The following KIF3A variants were observed in gnomAD, a reference collection of about 807,000 sequenced individuals.
KIF3A encodes the protein kinesin-like protein KIF3A.
In KIF3A, 27 loss-of-function variants were observed where a neutral mutation model predicts 92.6. That is an observed-to-expected ratio of 0.29 (90% CI 0.21 to 0.40). The LOEUF is 0.40. Among genes scored for constraint, KIF3A ranks in the 10% least tolerant of loss-of-function variants. The pLI is 1.00. For missense variants in KIF3A, 581 were observed against 872.6 expected, an observed-to-expected ratio of 0.67 and a Z score of 4.21; for synonymous variants, 250 against 275.4, an observed-to-expected ratio of 0.91 and a Z score of 0.92.
At chr5:132,704,165 T>C (rs866251045) in intron 11 of KIF3A, among the ~76,000 whole-genome samples, 4 of 151,952 alleles carry the variant, frequency 2.6e-5, no homozygotes, top group Non-Finnish European at 5.9e-5. Context: ...TTTCTAAAAT[T>C]TTTGTTTAAT....
chr5:132,708,416 T>A (rs1753298899), intron 10 of KIF3A, among the ~76,000 whole-genome samples: 1 of 152,198 alleles, frequency 6.6e-6, no homozygotes, highest in South Asian at 2.1e-4. Flanking sequence ...TTTTTCTTTA[T>A]TTGGGAGCCT....
In KIF3A at chr5:132,694,535, A is replaced by C. The variant is rs2149888420; in HGVS notation, c.*2099T>G. The C allele has an allele frequency of 6.6e-6, 1 of 152,452 alleles. No homozygotes were observed. The highest frequency in any genetic ancestry group is 2.4e-5 in the African/African-American group (1 of 41,582). 9.4% of individuals were successfully genotyped at this position (152,452 alleles called of 1,614,324 possible). On this transcript the variant is annotated 3_prime_UTR_variant, in exon 19 of 19. Coordinates refer to ENST00000403231, the MANE Select transcript of KIF3A (RefSeq NM_001300791.2). Reference sequence around the variant, plus strand: ...AAAAAATATCTAACATACTGGCTTAAATTTCCATGTTTTAAAGCTTGATTT... The same window carrying C: ...AAAAAATATCTAACATACTGGCTTACATTTCCATGTTTTAAAGCTTGATTT...
At chr5:132,722,660 A>G (rs1753863059) in intron 4 of KIF3A, among the ~76,000 whole-genome samples, 1 of 152,230 alleles carries the variant, frequency 6.6e-6, no homozygotes, top group South Asian at 2.1e-4. Flanking sequence ...TTTATTTCAC[A>G]TATAAAGACA....
At chr5:132,735,160 T>C (rs1400067230) in intron 1 of KIF3A, among the ~76,000 whole-genome samples, 1 of 152,132 alleles carries the variant, frequency 6.6e-6, no homozygotes, top group Non-Finnish European at 1.5e-5. Flanking sequence ...CTGCAACCTC[T>C]GCCTCCCAGG....
At chr5:132,720,166 C>T (rs1028592354) in intron 5 of KIF3A, among the ~76,000 whole-genome samples, 2 of 152,188 alleles carry the variant, frequency 1.3e-5, no homozygotes, top group East Asian at 3.9e-4. Context: ...ATCACTCACT[C>T]TACCACTTAG....
chr5:132,699,362 T>C, intron 17 of KIF3A, 67 bp from the exon 18 acceptor site: 1 of 1,507,848 alleles, frequency 6.6e-7, no homozygotes, highest in Non-Finnish European at 9.1e-7. Context: ...TGGGGGAAGA[T>C]TTAAAATACT....
chr5:132,737,523 A>C lies in KIF3A; in HGVS notation c.-104T>G. 1 of 1,370,908 alleles carries C rather than the reference A, an allele frequency of 7.3e-7. No homozygotes were observed. Among genetic ancestry groups the C allele is most frequent in the Non-Finnish European group, 1.0e-6 (1 of 998,768 alleles). The allele number at this position is 1,370,908 out of a possible 1,614,324, so 84.9% of individuals were successfully genotyped here. On this transcript the variant is annotated 5_prime_UTR_variant, in exon 1 of 19. Coordinates refer to ENST00000403231, the MANE Select transcript of KIF3A (RefSeq NM_001300791.2). ...CAGAGACTACCGAAACACCTCGTTG[A>C]CGCTCTCGAGACTGCGGCTTCTCGG...
intron 8 of KIF3A, among the ~76,000 whole-genome samples, chr5:132,711,597 A>C (rs577851045): frequency 1.3e-4 from 20 of 152,082 alleles, no homozygotes; most frequent in Admixed American, 9.8e-4. Context: ...CTCAAAAAAA[A>C]AAATAAAAAT....
At chr5:132,728,272 G>A (rs1160834331) in intron 2 of KIF3A, among the ~76,000 whole-genome samples, 2 of 152,018 alleles carry the variant, frequency 1.3e-5, no homozygotes, top group Non-Finnish European at 2.9e-5. Flanking sequence ...CACGATCATA[G>A]CTCACTGCAG....
At chr5:132,690,664 ATG>A (rs1752640698), downstream of KIF3A, among the ~76,000 whole-genome samples, 2 of 33,026 alleles carry the variant, frequency 6.1e-5, no homozygotes, top group Non-Finnish European at 4.2e-4. Context: ...GCGGTGGCTC[ATG>A]CCTGTAATCC....
At position 132,716,241 on chromosome 5, in the gene KIF3A, T is replaced by A. The variant is rs769082520; in HGVS notation, c.954+4A>T. ...TGTTAACTATATCACCAATTAAGTC[T>A]TACCATCATGGTTTTTGAATTTCCT... On this transcript the variant is annotated splice_donor_region_variant and intron_variant, in intron 7 of 18. Transcript: ENST00000403231. The A allele has an allele frequency of 3.1e-6, 5 of 1,608,868 alleles. No individual in the cohort carries two copies.
intron 1 of KIF3A, 53 bp from the exon 2 acceptor site, chr5:132,734,531 A>T (rs984505919): frequency 1.3e-4 from 196 of 1,495,564 alleles, no homozygotes; most frequent in Non-Finnish European, 1.7e-4. Flanking sequence ...TTTTACCCTC[A>T]TCAGATTAAA....
At chr5:132,732,045 C>CA (rs1215875194) in intron 2 of KIF3A, among the ~76,000 whole-genome samples, 11 of 151,898 alleles carry the variant, frequency 7.2e-5, no homozygotes, top group Admixed American at 7.2e-4. Context: ...ACAAAATTTA[C>CA]AAAAAACCCA....
intron 11 of KIF3A, 49 bp downstream of exon 11, chr5:132,706,402 T>A: frequency 7.1e-7 from 1 of 1,416,892 alleles, no homozygotes; most frequent in Non-Finnish European, 9.5e-7. Flanking sequence ...CATAGTTCTT[T>A]ATAGGATAAA....
rs1554107349 is a variant in KIF3A, at chr5:132,724,807, A to AAAAAATTT, written c.510+1320_510+1321insAAATTTTT. On this transcript the variant is annotated intron_variant, in intron 4 of 18. Coordinates refer to ENST00000403231, the MANE Select transcript of KIF3A (RefSeq NM_001300791.2). Reference sequence around the variant, plus strand: ...TAAAGTATAATAAAAAAAAAAAAAAATATATATATATATATATATATATAT... The same window carrying AAAAAATTT: ...TAAAGTATAATAAAAAAAAAAAAAAAAAAAATTTTATATATATATATATATATATATAT... 1.0e-4 allele frequency among the ~76,000 whole-genome samples: 3 copies of AAAAAATTT among 30,106 alleles called. 1 individual carries two copies. Among genetic ancestry groups the AAAAAATTT allele is most frequent in the East Asian group, 2.6e-3 (2 of 764 alleles). The allele number at this position is 30,106 out of a possible 152,430, so 19.8% of individuals were successfully genotyped here. A position where few individuals can be genotyped will look rare whatever the true frequency, so the allele number is the denominator to read the frequency against.
chr5:132,703,866 A>G (rs535117933), intron 11 of KIF3A, among the ~76,000 whole-genome samples: 1 of 152,078 alleles, frequency 6.6e-6, no homozygotes, highest in South Asian at 2.1e-4. Context: ...CAAAAGCGAA[A>G]GAGAAGCAAA....
chr5:132,707,375 G>T (rs1470343889), intron 10 of KIF3A, among the ~76,000 whole-genome samples: 1 of 151,942 alleles, frequency 6.6e-6, no homozygotes, highest in South Asian at 2.1e-4. Flanking sequence ...TCACCAACAC[G>T]CCCACATTAC....
At chr5:132,699,148 C>G (rs1231707488) in intron 18 of KIF3A, 23 bp downstream of exon 18, 1 of 1,611,334 alleles carries the variant, frequency 6.2e-7, no homozygotes, top group African/African-American at 1.3e-5. Context: ...CTTCGTTTTA[C>G]CAGATTCAAG....
rs1752728068 is a variant in KIF3A, at chr5:132,693,482, G to A, written c.*3152C>T. 1 of 152,712 alleles carries A rather than the reference G, an allele frequency of 6.5e-6. No homozygotes were observed. The highest frequency in any genetic ancestry group is 1.5e-5 in the Non-Finnish European group (1 of 68,032). The allele number at this position is 152,712 out of a possible 1,614,324, so 9.5% of individuals were successfully genotyped here. On this transcript the variant is annotated 3_prime_UTR_variant, in exon 19 of 19. Coordinates refer to ENST00000403231, the MANE Select transcript of KIF3A (RefSeq NM_001300791.2). ...TTCAATAACCTATTTATATATATGT[G>A]CCACTCATTTTAAATCTGCATATTT...
Sources: allele counts gnomAD v4.1 joint callset (sites outside exome capture counted in the v4.1 genomes callset), GRCh38; gene constraint gnomAD v4.1.1; transcripts MANE v1.5; gene names NCBI Gene and HGNC (gene_info 2026-07-23, HGNC 2026-07-21).